Variants in TRIT1 observed in about 807,000 individuals in gnomAD.
TRIT1 encodes the protein tRNA dimethylallyltransferase.
A neutral mutation model predicts 51.2 loss-of-function variants in TRIT1; 43 were observed. The ratio of observed to expected loss-of-function variants is 0.84; its 90% CI spans 0.66 to 1.08. The LOEUF (loss-of-function observed/expected upper bound fraction) is 1.08. TRIT1 is among the 50% of genes least tolerant of loss of function. The pLI is 0.00. For missense variants in TRIT1, 528 were observed against 578.4 expected (o/e 0.91, Z 0.89); for synonymous variants, 184 against 203.9 (o/e 0.90, Z 0.83).
intron 1 of TRIT1, 138 bp downstream of exon 1, chr1:39,883,180 G>A: frequency 2.4e-6 from 2 of 818,488 alleles, no homozygotes. Flanking sequence ...TGCGGCGGGT[G>A]CTTAGTAAGT....
At chr1:39,878,097 C>G (rs1469417592) in intron 1 of TRIT1, among the ~76,000 whole-genome samples, 1 of 151,976 alleles carries the variant, frequency 6.6e-6, no homozygotes, top group Non-Finnish European at 1.5e-5. Flanking sequence ...TCTGACTTCC[C>G]AATCCACAAC....
intron 1 of TRIT1, among the ~76,000 whole-genome samples, chr1:39,871,713 A>T (rs1413895250): frequency 1.3e-5 from 2 of 152,194 alleles, no homozygotes; most frequent in Non-Finnish European, 2.9e-5. Flanking sequence ...GATGGAAAAC[A>T]GGTAAGTTGT....
chr1:39,846,128 C>A (rs1642208789), intron 8 of TRIT1, among the ~76,000 whole-genome samples: 1 of 152,200 alleles, frequency 6.6e-6, no homozygotes, highest in South Asian at 2.1e-4. Flanking sequence ...CCAGGACATG[C>A]AGAGAAAACA....
intron 5 of TRIT1, 40 bp downstream of exon 5, chr1:39,850,079 T>C (rs1185094843): frequency 1.6e-5 from 25 of 1,607,350 alleles, no homozygotes; most frequent in Non-Finnish European, 2.0e-5. Flanking sequence ...TACTCCAAGT[T>C]CCATCACAGA....
chr1:39,862,161 G>A (rs961203797), intron 1 of TRIT1, among the ~76,000 whole-genome samples: 3 of 152,002 alleles, frequency 2.0e-5, no homozygotes, highest in Non-Finnish European at 4.4e-5. Context: ...TTGTTTAACT[G>A]GTACAGAGTT....
rs1642298543 is a variant in TRIT1, at chr1:39,847,470, C to T, written c.928+78G>A. On this transcript the variant is annotated intron_variant, in intron 7 of 10. Coordinates refer to ENST00000316891, the MANE Select transcript of TRIT1 (RefSeq NM_017646.6). ...CTATTTGGGACGCTTTAAGCCTTGG[C>T]TCTTTCTCAGACCATACCAGCAGAG... 46 of 1,537,578 alleles carry T rather than the reference C, an allele frequency of 3.0e-5. No homozygotes were observed. In the South Asian group the frequency reaches 4.7e-4, roughly 16 times the overall value.
At chr1:39,854,708 C>A (rs1193827761) in intron 2 of TRIT1, among the ~76,000 whole-genome samples, 1 of 152,226 alleles carries the variant, frequency 6.6e-6, no homozygotes, top group Non-Finnish European at 1.5e-5. Flanking sequence ...TCCCCTATCA[C>A]AATGCCTAAA....
At chr1:39,846,986 T>C in intron 8 of TRIT1, 1 of 423,446 alleles carries the variant, frequency 2.4e-6, no homozygotes, top group Non-Finnish European at 4.2e-6. Flanking sequence ...TTGCAGCCAG[T>C]ATCCATCTGT....
At chr1:39,857,241 C>A (rs1374592213) in intron 2 of TRIT1, 36 bp downstream of exon 2, 1 of 1,567,866 alleles carries the variant, frequency 6.4e-7, no homozygotes, top group Non-Finnish European at 8.7e-7. Context: ...GCTGCTTTCA[C>A]CCACCAAACC....
intron 9 of TRIT1, 72 bp downstream of exon 9, chr1:39,844,459 A>G: frequency 8.1e-7 from 1 of 1,237,490 alleles, no homozygotes; most frequent in Non-Finnish European, 1.2e-6. Flanking sequence ...TCTTCAATAT[A>G]GCAACAAAGG....
rs566435653 is a variant in TRIT1, at chr1:39,841,892, T to G, written c.1256A>C (p.His419Pro). The G allele has an allele frequency of 9.0e-5, 145 of 1,613,096 alleles. No individual in the cohort carries two copies. The highest frequency in any genetic ancestry group is 1.1e-4 in the Non-Finnish European group (132 of 1,179,742). ...TCTTCTTTTCTTCAGTTGGTTCAAGTGGGATTTGGATTTTATGTGCGCTGA... is the reference window on the plus strand; with the variant it reads ...TCTTCTTTTCTTCAGTTGGTTCAAGGGGGATTTGGATTTTATGTGCGCTGA... ...EWAAHIKSKS[H>P]LNQLKKRRRL... The change falls in exon 11 of 11, where the codon CAC becomes CCC. Residue 419 changes from histidine (H) to proline (P), a missense_variant. Transcript: ENST00000316891.
chr1:39,864,261 G>A (rs1643407090), intron 1 of TRIT1, among the ~76,000 whole-genome samples: 1 of 151,936 alleles, frequency 6.6e-6, no homozygotes. Flanking sequence ...CAAGGATGCT[G>A]CTACACATCC....
In TRIT1 at chr1:39,847,971, C is replaced by T. The variant is rs1212227114; in HGVS notation, c.815+15G>A. The T allele has an allele frequency of 1.9e-6, 3 of 1,604,572 alleles. No homozygotes were observed. Among genetic ancestry groups the T allele is most frequent in the East Asian group, 2.2e-5 (1 of 44,818 alleles). ...AAATATGGACAGTAGGTCAGAATAA[C>T]AGCCAAATCCTCACCTATTTTCCGA... On this transcript the variant is annotated intron_variant, in intron 6 of 10. Transcript: ENST00000316891.
At chr1:39,847,804 C>T in intron 6 of TRIT1, 144 bp from the exon 7 acceptor site, 5 of 1,483,516 alleles carry the variant, frequency 3.4e-6, no homozygotes, top group Non-Finnish European at 4.5e-6. Context: ...AAATTTTCCC[C>T]TCCCCTACCC....
intron 8 of TRIT1, among the ~76,000 whole-genome samples, chr1:39,846,150 G>A (rs532092725): frequency 1.8e-4 from 28 of 152,196 alleles, no homozygotes; most frequent in Non-Finnish European, 3.7e-4. Context: ...GATAAGTAGA[G>A]GAAAGCACAA....
intron 10 of TRIT1, among the ~76,000 whole-genome samples, chr1:39,842,682 T>C (rs1641984304): frequency 6.6e-6 from 1 of 152,244 alleles, no homozygotes. Flanking sequence ...CACTATCCTG[T>C]TCTTTTTTCA....
chr1:39,844,216 G>A lies in TRIT1; in HGVS notation c.1119C>T (p.Gly373=). The change falls in exon 10 of 11, where the codon GGC becomes GGT. Residue 373 remains glycine, a splice_region_variant and synonymous_variant. Transcript: ENST00000316891. ...ALEIVQSFIQ[G]HKPTATPIKM... is the part of the protein sequence containing the mutation. ...TTATTGGAGTGGCTGTAGGCTTGTG[G>A]CCCTAAAAGAACAAGGGTGGAAGGG... 2 of 1,611,924 alleles carry A rather than the reference G, an allele frequency of 1.2e-6. No homozygotes were observed. The highest frequency in any genetic ancestry group is 1.7e-6 in the Non-Finnish European group (2 of 1,178,000).
At chr1:39,870,032 C>T (rs1272737146) in intron 1 of TRIT1, among the ~76,000 whole-genome samples, 5 of 152,180 alleles carry the variant, frequency 3.3e-5, no homozygotes, top group African/African-American at 9.7e-5. Context: ...TCATTGAGAA[C>T]GGGCCATGAT....
At chr1:39,845,761 C>G (rs1319441148) in intron 8 of TRIT1, among the ~76,000 whole-genome samples, 2 of 152,224 alleles carry the variant, frequency 1.3e-5, no homozygotes, top group Non-Finnish European at 2.9e-5. Flanking sequence ...CAAGGCCATG[C>G]TGGGGTGGGG....
Sources: gnomAD v4.1 joint callset for allele counts (sites outside exome capture counted in the v4.1 genomes callset) on GRCh38, gnomAD v4.1.1 for gene constraint, MANE v1.5 for transcripts, NCBI Gene and HGNC (gene_info 2026-07-23, HGNC 2026-07-21) for gene names.